ASAP1: variants seen among roughly 807,000 people sequenced by gnomAD.
ASAP1 encodes arf-GAP with SH3 domain, ANK repeat and PH domain-containing protein 1.
In ASAP1, 43 loss-of-function variants were observed where a neutral mutation model predicts 145.2. The observed-to-expected ratio is 0.30, with a 90% confidence interval of 0.23 to 0.38. The LOEUF (loss-of-function observed/expected upper bound fraction) is 0.38, where lower values mean the gene tolerates loss of function less well. Ranked by LOEUF, ASAP1 falls within the 10% of genes least tolerant of loss-of-function variation. The pLI, the probability that ASAP1 is intolerant of heterozygous loss-of-function variation, is 1.00. For missense variants in ASAP1, 1,018 were observed against 1,355.3 expected, an observed-to-expected ratio of 0.75 and a Z score of 3.91; for synonymous variants, 546 against 515.5, an observed-to-expected ratio of 1.06 and a Z score of -0.80.
intron 9 of ASAP1, among the ~76,000 whole-genome samples, chr8:130,173,011 G>C (rs1267371852): frequency 1.3e-5 from 2 of 152,158 alleles, no homozygotes; most frequent in Admixed American, 1.3e-4. Context: ...ATCTAAGTGA[G>C]GAGATTACAG....
At chr8:130,419,179 A>G (rs1829615067) in intron 1 of ASAP1, among the ~76,000 whole-genome samples, 1 of 152,200 alleles carries the variant, frequency 6.6e-6, no homozygotes, top group Non-Finnish European at 1.5e-5. Flanking sequence ...GGACTCCCCA[A>G]GGACACGGCG....
intron 4 of ASAP1, among the ~76,000 whole-genome samples, chr8:130,216,031 GGA>G (rs1565099045): frequency 3.6e-5 from 5 of 140,780 alleles, no homozygotes; most frequent in Non-Finnish European, 6.2e-5. Flanking sequence ...GGAAAGGAAA[GGA>G]AAAAGGAAAG....
chr8:130,167,649 C>A, intron 10 of ASAP1, 27 bp from the exon 11 acceptor site: 1 of 1,513,616 alleles, frequency 6.6e-7, no homozygotes, highest in Non-Finnish European at 9.2e-7. Flanking sequence ...ACTTCTATTA[C>A]TTACCATTTA....
chr8:130,376,863 A>G (rs923407840), intron 2 of ASAP1, among the ~76,000 whole-genome samples: 3 of 136,030 alleles, frequency 2.2e-5, no homozygotes, highest in African/African-American at 8.1e-5. Flanking sequence ...AGATCGCACC[A>G]TTGCACTCCA....
intron 1 of ASAP1, among the ~76,000 whole-genome samples, chr8:130,407,560 A>G (rs979871145): frequency 2.0e-5 from 3 of 152,070 alleles, no homozygotes; most frequent in Admixed American, 6.6e-5. Context: ...ACAACCTCTC[A>G]TTTCCCGCTG....
intron 1 of ASAP1, among the ~76,000 whole-genome samples, chr8:130,429,785 G>A (rs1038417859): frequency 2.6e-5 from 4 of 152,212 alleles, no homozygotes; most frequent in African/African-American, 7.2e-5. Flanking sequence ...CACACGTTCT[G>A]TCCATTAAGA....
intron 27 of ASAP1, among the ~76,000 whole-genome samples, chr8:130,075,955 A>G (rs546869218): frequency 2.0e-5 from 3 of 152,220 alleles, no homozygotes; most frequent in East Asian, 3.9e-4. Flanking sequence ...TATTTTCCCC[A>G]TTTTACAGAT....
intron 1 of ASAP1, among the ~76,000 whole-genome samples, chr8:130,438,850 C>T (rs1259644451): frequency 6.6e-6 from 1 of 152,182 alleles, no homozygotes; most frequent in Non-Finnish European, 1.5e-5. Context: ...TAAGATGTCC[C>T]TGACCCTCTC....
intron 25 of ASAP1, among the ~76,000 whole-genome samples, chr8:130,080,197 G>A (rs1464801880): frequency 2.0e-5 from 3 of 152,200 alleles, no homozygotes; most frequent in Non-Finnish European, 4.4e-5. Flanking sequence ...AAAGAGGTGA[G>A]CAGCTGCTCT....
intron 9 of ASAP1, among the ~76,000 whole-genome samples, chr8:130,172,828 T>C (rs373324535): frequency 4.5e-4 from 68 of 152,310 alleles, no homozygotes; most frequent in African/African-American, 1.5e-3. Context: ...AAATGAAAAT[T>C]CCTGCCAATT....
chr8:130,414,256 T>G (rs1364706712), intron 1 of ASAP1, among the ~76,000 whole-genome samples: 1 of 152,228 alleles, frequency 6.6e-6, no homozygotes, highest in African/African-American at 2.4e-5. Flanking sequence ...CAAGGCACAA[T>G]GACGATACTT....
At position 130,151,790 on chromosome 8, in the gene ASAP1, A is replaced by T. The variant is rs556050636; in HGVS notation, c.1080+946T>A. ...AAAGAACAGGACTAGTAAGTGCCCA[A>T]GGGGGCGCTTACAGTCTAGTAAGAT... On this transcript the variant is annotated intron_variant, in intron 13 of 29. Transcript: ENST00000518721. Among the ~76,000 whole-genome samples, 157 of 152,354 alleles carry T rather than the reference A, an allele frequency of 1.0e-3. 1 individual carries two copies. Among genetic ancestry groups the T allele is most frequent in the Middle Eastern group, 0.01 (3 of 294 alleles).
Position 130,076,319 on chromosome 8 carries a change from C to T in ASAP1, c.2701+29G>A, listed in dbSNP as rs370779716. 13 of 1,568,576 alleles carry T rather than the reference C, an allele frequency of 8.3e-6. No individual in the cohort carries two copies. The African/African-American group carries it at 9.5e-5, about 11-fold the overall frequency. On this transcript the variant is annotated intron_variant, in intron 27 of 29. Transcript: ENST00000518721. ...GGAGGGGGTAGTGACACTTTAATTA[C>T]ATGTAAATGTAAAAATGATAGATCT...
intron 5 of ASAP1, among the ~76,000 whole-genome samples, chr8:130,190,923 C>T (rs1815091976): frequency 2.6e-5 from 4 of 152,134 alleles, no homozygotes; most frequent in Admixed American, 2.6e-4. Context: ...TTCTGTCTCC[C>T]TCACTAGTAC....
chr8:130,247,470 T>C (rs1818919536), intron 3 of ASAP1, among the ~76,000 whole-genome samples: 1 of 152,064 alleles, frequency 6.6e-6, no homozygotes, highest in Admixed American at 6.5e-5. Flanking sequence ...TTCATAACCA[T>C]GTTGCTCTCC....
chr8:130,288,209 G>A (rs1363624364), intron 3 of ASAP1, among the ~76,000 whole-genome samples: 2 of 152,060 alleles, frequency 1.3e-5, no homozygotes, highest in Non-Finnish European at 2.9e-5. Context: ...TTCATCTGTG[G>A]CTTTTTTCTG....
chr8:130,247,888 T>C (rs1818946368), intron 3 of ASAP1, among the ~76,000 whole-genome samples: 1 of 152,150 alleles, frequency 6.6e-6, no homozygotes, highest in South Asian at 2.1e-4. Context: ...TCATTTTCAC[T>C]AAAACTGATC....
At chr8:130,311,886 AAAC>A (rs1343304383) in intron 3 of ASAP1, among the ~76,000 whole-genome samples, 4 of 151,524 alleles carry the variant, frequency 2.6e-5, no homozygotes, top group South Asian at 4.1e-4. Flanking sequence ...AAGTAAACAA[AAAC>A]AACTCAAAAA....
intron 29 of ASAP1, among the ~76,000 whole-genome samples, chr8:130,057,497 G>C (rs1489808398): frequency 6.6e-6 from 1 of 152,022 alleles, no homozygotes; most frequent in Non-Finnish European, 1.5e-5. Flanking sequence ...TGCCCAGGCT[G>C]GAGTGTAGTG....
Sources: allele counts gnomAD v4.1 joint callset (sites outside exome capture counted in the v4.1 genomes callset), GRCh38; gene constraint gnomAD v4.1.1; transcripts MANE v1.5; gene names NCBI Gene and HGNC (gene_info 2026-07-23, HGNC 2026-07-21).